Variants in COL24A1 observed in about 807,000 individuals in gnomAD.
The protein encoded by COL24A1 is collagen type XXIV alpha 1 chain.
A neutral mutation model predicts 253.9 loss-of-function variants in COL24A1; 224 were observed. That is an observed-to-expected ratio of 0.88 (90% CI 0.79 to 0.99). COL24A1 has a LOEUF of 0.99. Ranked by LOEUF, COL24A1 falls within the 50% of genes least tolerant of loss-of-function variation. COL24A1 has a pLI of 0.00. For synonymous variants in COL24A1, 685 were observed against 673.7 expected (o/e 1.02, Z -0.26); for missense variants, 2,131 against 2,068.5 (o/e 1.03, Z -0.59).
intron 2 of COL24A1, among the ~76,000 whole-genome samples, chr1:86,145,120 G>A (rs12120396): frequency 0.14 from 21,477 of 152,006 alleles, 1,705 homozygotes; most frequent in South Asian, 0.23. Flanking sequence ...GTATCTACTT[G>A]TCAATTTGGT....
chr1:86,130,019 T>C (rs1345300657), intron 2 of COL24A1, among the ~76,000 whole-genome samples: 1 of 151,912 alleles, frequency 6.6e-6, no homozygotes, highest in Non-Finnish European at 1.5e-5. Flanking sequence ...GTCTTTGCTT[T>C]ATGAATATTG....
At chr1:86,045,741 G>A (rs1699853961) in intron 12 of COL24A1, 5 of 337,954 alleles carry the variant, frequency 1.5e-5, no homozygotes, top group Admixed American at 6.7e-5. Context: ...TAAATGCAGG[G>A]AAACAAAATG....
At chr1:85,978,983 A>C (rs1280508408) in intron 20 of COL24A1, among the ~76,000 whole-genome samples, 1 of 152,174 alleles carries the variant, frequency 6.6e-6, no homozygotes, top group East Asian at 1.9e-4. Context: ...AAATTATATC[A>C]AGTACCCTCT....
intron 22 of COL24A1, among the ~76,000 whole-genome samples, chr1:85,966,290 A>G (rs1001006349): frequency 6.6e-6 from 1 of 152,138 alleles, no homozygotes. Flanking sequence ...GTAAATAAGA[A>G]GCTAAGTTTT....
chr1:85,824,959 C>T (rs572213167), intron 43 of COL24A1, among the ~76,000 whole-genome samples: 244 of 150,790 alleles, frequency 1.6e-3, no homozygotes, highest in African/African-American at 5.4e-3. Flanking sequence ...TTTTAGGGTA[C>T]ATGTGCACAA....
chr1:86,053,650 C>T (rs1253274512), intron 10 of COL24A1, among the ~76,000 whole-genome samples: 2 of 151,896 alleles, frequency 1.3e-5, no homozygotes, highest in South Asian at 2.1e-4. Context: ...ACCAGAAGGT[C>T]GGGAGAGGTT....
At chr1:86,028,933 A>G (rs955514154) in intron 14 of COL24A1, among the ~76,000 whole-genome samples, 2 of 152,208 alleles carry the variant, frequency 1.3e-5, no homozygotes, top group Non-Finnish European at 1.5e-5. Context: ...ACATGTGGGT[A>G]AGAACTAAAC....
At chr1:86,054,094 G>A (rs1206726163) in intron 10 of COL24A1, among the ~76,000 whole-genome samples, 1 of 152,080 alleles carries the variant, frequency 6.6e-6, no homozygotes, top group Non-Finnish European at 1.5e-5. Flanking sequence ...ACCATATGCA[G>A]AAGAATGAAA....
chr1:86,017,179 TGGA>T lies in COL24A1; in HGVS notation c.2279_2281del (p.Leu760del). On this transcript the variant is annotated inframe_deletion, in exon 19 of 60. Coordinates refer to ENST00000370571, the MANE Select transcript of COL24A1 (RefSeq NM_152890.7). The stretch of plus-strand genomic sequence containing the variant: ...TGGTCCTGGAGGGCCAGATGGTCCT[TGGA>T]GTCCTGGGTCACCTGTTTGGCCCTA... 6.3e-7 allele frequency: 1 copy of T among 1,586,600 alleles called. No homozygotes were observed. Among genetic ancestry groups the T allele is most frequent in the Non-Finnish European group, 8.5e-7 (1 of 1,170,808 alleles).
At chr1:85,885,919 C>T (rs2102704248) in intron 32 of COL24A1, among the ~76,000 whole-genome samples, 1 of 152,274 alleles carries the variant, frequency 6.6e-6, no homozygotes, top group Non-Finnish European at 1.5e-5. Context: ...TTATGGCCTT[C>T]AGCTCTATTT....
intron 37 of COL24A1, among the ~76,000 whole-genome samples, chr1:85,855,769 T>C (rs1678368078): frequency 6.6e-6 from 1 of 152,182 alleles, no homozygotes; most frequent in Non-Finnish European, 1.5e-5. Context: ...TTCAGTAGGA[T>C]TGGTACCAGC....
chr1:85,995,028 T>C (rs991287366), intron 19 of COL24A1, among the ~76,000 whole-genome samples: 3 of 152,188 alleles, frequency 2.0e-5, no homozygotes, highest in African/African-American at 7.2e-5. Context: ...ACAGCTCAAT[T>C]CCATATGTGC....
Position 85,835,373 on chromosome 1 carries a change from G to A in COL24A1, c.3681+3212C>T, listed in dbSNP as rs191226794. 9.0e-4 allele frequency among the ~76,000 whole-genome samples: 137 copies of A among 152,194 alleles called. 1 individual carries two copies. The East Asian group carries it at 0.02, about 23-fold the overall frequency. On this transcript the variant is annotated intron_variant, in intron 43 of 59. Transcript: ENST00000370571. ...TCTCGATCTCCTGACCTCGTGATCT[G>A]CCCACGGTGGCCTCCCAAAGTGCTG...
intron 7 of COL24A1, among the ~76,000 whole-genome samples, chr1:86,083,145 A>G (rs1302603045): frequency 2.0e-5 from 3 of 151,928 alleles, no homozygotes; most frequent in African/African-American, 7.3e-5. Flanking sequence ...AAAATACAAA[A>G]AAATTAGCCA....
At chr1:85,802,828 C>A (rs747418372) in intron 47 of COL24A1, among the ~76,000 whole-genome samples, 4 of 152,174 alleles carry the variant, frequency 2.6e-5, no homozygotes, top group Non-Finnish European at 5.9e-5. Context: ...ACAAGTGGAA[C>A]CAAACAGCAT....
At chr1:86,047,562 C>A (rs1027606136) in intron 11 of COL24A1, among the ~76,000 whole-genome samples, 4 of 152,050 alleles carry the variant, frequency 2.6e-5, no homozygotes, top group African/African-American at 9.7e-5. Context: ...CAATACCTAT[C>A]ATTCAATAAA....
intron 19 of COL24A1, among the ~76,000 whole-genome samples, chr1:85,999,666 AAAG>A (rs1695210420): frequency 1.3e-5 from 2 of 151,674 alleles, no homozygotes; most frequent in African/African-American, 4.8e-5. Flanking sequence ...ATAAAAAAGA[AAAG>A]AAAAGAAAAA....
In COL24A1 at chr1:85,788,065, C is replaced by T. The variant is rs551675299; in HGVS notation, c.3952-1604G>A. ...AATGTCTGTTCATGTCCTTTGCCCA[C>T]TTTTTATTTTTTTAATTTTAATTTT... is the stretch of plus-strand genomic sequence containing the variant. On this transcript the variant is annotated intron_variant, in intron 47 of 59. Transcript: ENST00000370571. 4.6e-5 allele frequency among the ~76,000 whole-genome samples: 7 copies of T among 152,014 alleles called. No individual in the cohort carries two copies. The South Asian group carries it at 1.5e-3, about 32-fold the overall frequency.
chr1:85,961,718 G>A (rs1691085344), intron 23 of COL24A1, among the ~76,000 whole-genome samples: 1 of 152,154 alleles, frequency 6.6e-6, no homozygotes, highest in Admixed American at 6.5e-5. Context: ...GAGGCCTCAG[G>A]AAGCTTACAA....
Sources: gnomAD v4.1 joint callset for allele counts (sites outside exome capture counted in the v4.1 genomes callset) on GRCh38, gnomAD v4.1.1 for gene constraint, MANE v1.5 for transcripts, NCBI Gene and HGNC (gene_info 2026-07-23, HGNC 2026-07-21) for gene names.